GRIN2D: variants seen among roughly 807,000 people sequenced by gnomAD.
GRIN2D encodes glutamate ionotropic receptor NMDA type subunit 2D.
Under a neutral mutation model 103.2 loss-of-function variants are expected in GRIN2D, and 37 were observed. That is an observed-to-expected ratio of 0.36 (90% CI 0.28 to 0.47). GRIN2D has a LOEUF of 0.47. Among genes scored for constraint, GRIN2D ranks in the 20% least tolerant of loss-of-function variants. GRIN2D has a pLI of 1.00. For synonymous variants in GRIN2D, 845 were observed against 885.6 expected, an observed-to-expected ratio of 0.95 and a Z score of 0.81; for missense variants, 1,557 against 1,910.6, an observed-to-expected ratio of 0.81 and a Z score of 3.45.
At chr19:48,401,093 A>C (rs904781492) in intron 3 of GRIN2D, among the ~76,000 whole-genome samples, 3 of 151,864 alleles carry the variant, frequency 2.0e-5, no homozygotes, top group Non-Finnish European at 2.9e-5. Flanking sequence ...AAAAAAAAAA[A>C]AAAACAATAA....
At chr19:48,410,551 A>AAG (rs1970845841) in intron 4 of GRIN2D, among the ~76,000 whole-genome samples, 1 of 149,714 alleles carries the variant, frequency 6.7e-6, no homozygotes, top group Non-Finnish European at 1.5e-5. Flanking sequence ...AAAAAAAAAA[A>AAG]GCAGTCGGAG....
chr19:48,428,359 G>A (rs932989605), intron 11 of GRIN2D, among the ~76,000 whole-genome samples: 5 of 112,510 alleles, frequency 4.4e-5, no homozygotes, highest in African/African-American at 1.4e-4. Flanking sequence ...CCCCCTCCCC[G>A]CTTTTTTTTT....
At chr19:48,407,819 T>C (rs1200140779) in intron 4 of GRIN2D, among the ~76,000 whole-genome samples, 1 of 152,072 alleles carries the variant, frequency 6.6e-6, no homozygotes, top group Admixed American at 6.6e-5. Flanking sequence ...GGGAATGTGA[T>C]AAGAAATGCA....
Position 48,398,500 on chromosome 19 carries a change from C to G in GRIN2D, c.108C>G (p.Gly36=). ...TCCCGGAGGAGGCGCCGGGGCCGGG[C>G]GGGGCCGGTGGGCCCGGCGGCGGCC... The part of the protein sequence containing the change: ...SPFPEEAPGP[G]GAGGPGGGLG... Residue 36 remains glycine (G), a synonymous_variant, in exon 3 of 14, where the codon GGC becomes GGG. Coordinates refer to ENST00000263269, the MANE Select transcript of GRIN2D (RefSeq NM_000836.4). The G allele has an allele frequency of 9.9e-7, 1 of 1,013,254 alleles. No individual in the cohort carries two copies. The highest frequency in any genetic ancestry group is 1.7e-5 in the African/African-American group (1 of 57,490). The allele number at this position is 1,013,254 out of a possible 1,614,324, so 62.8% of individuals were successfully genotyped here.
chr19:48,422,726 A>G (rs773537736), intron 11 of GRIN2D, among the ~76,000 whole-genome samples: 9 of 152,154 alleles, frequency 5.9e-5, no homozygotes, highest in Non-Finnish European at 1.2e-4. Context: ...ATTAGACCTG[A>G]ACTCACTGGA....
At chr19:48,441,354 C>T (rs1312480490) in intron 11 of GRIN2D, among the ~76,000 whole-genome samples, 1 of 135,354 alleles carries the variant, frequency 7.4e-6, no homozygotes, top group African/African-American at 2.9e-5. Flanking sequence ...CAGAGTGAGA[C>T]TCTGTCTCAA....
intron 4 of GRIN2D, among the ~76,000 whole-genome samples, chr19:48,412,483 G>GAAAGAA (rs1970883915): frequency 7.8e-6 from 1 of 128,896 alleles, no homozygotes; most frequent in African/African-American, 2.8e-5. Context: ...GAAAGAAAGA[G>GAAAGAA]AGAGAAAGAA....
chr19:48,410,510 A>G (rs985485073), intron 4 of GRIN2D, among the ~76,000 whole-genome samples: 23 of 129,598 alleles, frequency 1.8e-4, no homozygotes, highest in African/African-American at 7.3e-4. Flanking sequence ...CCTGGGCAAC[A>G]GAGTGAGACT....
chr19:48,444,158 G>A lies in GRIN2D; in HGVS notation c.*221G>A, dbSNP rs1971351737. ...CCAGCCTGAGAACGAGGGGGCGGGG[G>A]CCTTGGAGCCCACCGGACTTTTTTT... On this transcript the variant is annotated 3_prime_UTR_variant, in exon 14 of 14. Coordinates refer to ENST00000263269, the MANE Select transcript of GRIN2D (RefSeq NM_000836.4). This position sits in a 1 kb window ranked among gnomAD's most constrained non-coding sequence, Gnocchi z 5.5. 2 of 402,618 alleles carry A rather than the reference G, an allele frequency of 5.0e-6. No homozygotes were observed. The highest frequency in any genetic ancestry group is 4.5e-5 in the Admixed American group (1 of 22,348). The allele number at this position is 402,618 out of a possible 1,614,324, so 24.9% of individuals were successfully genotyped here. A position where few individuals can be genotyped will look rare whatever the true frequency, so the allele number is the denominator to read the frequency against.
chr19:48,420,432 A>T (rs1971008196), intron 10 of GRIN2D, among the ~76,000 whole-genome samples: 1 of 152,120 alleles, frequency 6.6e-6, no homozygotes, highest in Non-Finnish European at 1.5e-5. Context: ...TGTCTCAAAA[A>T]AACAAAAAAC....
In GRIN2D at chr19:48,413,991, G is replaced by C; in HGVS notation, c.1086G>C (p.Arg362Ser). 1 of 1,572,182 alleles carries C rather than the reference G, an allele frequency of 6.4e-7. No homozygotes were observed. Among genetic ancestry groups the C allele is most frequent in the Non-Finnish European group, 8.8e-7 (1 of 1,141,874 alleles). Reference protein sequence around the residue: ...NRTHRGESLHRYFMNITWDNR... With the variant: ...NRTHRGESLHSYFMNITWDNR... Reference sequence around the variant, plus strand: ...GTCCCCTTTCCCTCCTCCTGGGCAGGTACTTCATGAACATCACGTGGGATA... The same window carrying C: ...GTCCCCTTTCCCTCCTCCTGGGCAGCTACTTCATGAACATCACGTGGGATA... The change falls in exon 5 of 14, where the codon AGG becomes AGC. Residue 362 changes from arginine (R) to serine (S), a missense_variant and splice_region_variant. This residue lies in a region of GRIN2D where 490 missense variants were observed against 601.1 expected (regional missense o/e 0.82). Coordinates refer to ENST00000263269, the MANE Select transcript of GRIN2D (RefSeq NM_000836.4).
intron 11 of GRIN2D, among the ~76,000 whole-genome samples, chr19:48,433,655 G>A (rs978551324): frequency 1.3e-5 from 2 of 152,200 alleles, no homozygotes; most frequent in African/African-American, 4.8e-5. Context: ...CCCTTTCCAT[G>A]AGAGATGTGC....
At chr19:48,401,826 C>T (rs941321091) in intron 3 of GRIN2D, among the ~76,000 whole-genome samples, 38 of 152,288 alleles carry the variant, frequency 2.5e-4, no homozygotes, top group Non-Finnish European at 3.7e-4. Context: ...ATAGGCTGGG[C>T]GCAGTGGCTC....
chr19:48,443,617 T>C lies in GRIN2D; in HGVS notation c.3691T>C (p.Ser1231Pro). The C allele has an allele frequency of 9.2e-7, 1 of 1,088,888 alleles. No homozygotes were observed. Among genetic ancestry groups the C allele is most frequent in the Non-Finnish European group, 1.1e-6 (1 of 900,462 alleles). The allele number at this position is 1,088,888 out of a possible 1,614,324, so 67.5% of individuals were successfully genotyped here. The part of the protein sequence containing the change: ...RRRARCGCPR[S>P]HPHRPRASHR... ...CCGGGCCCGCTGCGGGTGCCCGCGG[T>C]CGCACCCGCACCGCCCGCGGGCCTC... Residue 1231 changes from serine to proline, a missense_variant, in exon 14 of 14, where the codon TCG becomes CCG. Coordinates refer to ENST00000263269, the MANE Select transcript of GRIN2D (RefSeq NM_000836.4). This position sits in a 1 kb window ranked among gnomAD's most constrained non-coding sequence, Gnocchi z 8.9.
chr19:48,422,609 CAAA>C (rs551643081), intron 11 of GRIN2D, among the ~76,000 whole-genome samples: 3 of 122,378 alleles, frequency 2.5e-5, no homozygotes, highest in Admixed American at 8.8e-5. Context: ...GACTCCGTCT[CAAA>C]AAAAAAAAAA....
In GRIN2D at chr19:48,405,423, T is replaced by A. The variant is rs1970780407; in HGVS notation, c.1085+70T>A. On this transcript the variant is annotated intron_variant, in intron 4 of 13. Transcript: ENST00000263269. The surrounding 1 kb of genome is among the most constrained non-coding windows in gnomAD (Gnocchi z 5.1). ...CCTAACTACCTCAGTATTCACTGAA[T>A]GAGTGGCTCAAATGGGCCACATCTG... is the stretch of plus-strand genomic sequence containing the variant. 1 of 1,403,922 alleles carries A rather than the reference T, an allele frequency of 7.1e-7. No homozygotes were observed. The highest frequency in any genetic ancestry group is 1.4e-5 in the African/African-American group (1 of 69,498). 87.0% of individuals were successfully genotyped at this position (1,403,922 alleles called of 1,614,324 possible). A position where few individuals can be genotyped will look rare whatever the true frequency, so the allele number is the denominator to read the frequency against.
At chr19:48,419,047 TCTTCC>T in intron 8 of GRIN2D, among the ~76,000 whole-genome samples, 182 bp from the exon 9 acceptor site, 1 of 151,040 alleles carries the variant, frequency 6.6e-6, no homozygotes. Flanking sequence ...CTTTCTTTTT[TCTTCC>T]TTTTTTTTTT....
chr19:48,443,357 G>C lies in GRIN2D; in HGVS notation c.3431G>C (p.Arg1144Pro). 1 of 1,504,006 alleles carries C rather than the reference G, an allele frequency of 6.6e-7. No homozygotes were observed. The highest frequency in any genetic ancestry group is 1.2e-5 in the South Asian group (1 of 81,040). 93.2% of individuals were successfully genotyped at this position (1,504,006 alleles called of 1,614,324 possible). A position where few individuals can be genotyped will look rare whatever the true frequency, so the allele number is the denominator to read the frequency against. ...GACTTCCCTTACCCGTATGCCGAGCGCCTCGGGCCGCCGCCCGGCCGCTAC... is the reference window on the plus strand; with the variant it reads ...GACTTCCCTTACCCGTATGCCGAGCCCCTCGGGCCGCCGCCCGGCCGCTAC... ...FADFPYPYAE[R>P]LGPPPGRYWS... Residue 1144 changes from arginine (R) to proline (P), a missense_variant, in exon 14 of 14, where the codon CGC (arginine) becomes CCC (proline). Around this residue, in one of 7 missense-constraint regions of GRIN2D, gnomAD observed 632 missense variants for 572.8 expected, o/e 1.10. Coordinates refer to ENST00000263269, the MANE Select transcript of GRIN2D (RefSeq NM_000836.4). This position sits in a 1 kb window ranked among gnomAD's most constrained non-coding sequence, Gnocchi z 8.9.
At chr19:48,403,539 G>A (rs1970744054) in intron 3 of GRIN2D, among the ~76,000 whole-genome samples, 1 of 152,170 alleles carries the variant, frequency 6.6e-6, no homozygotes, top group Admixed American at 6.6e-5. Flanking sequence ...TAGCATGGGA[G>A]ACAGTATTTA....
Sources: allele counts gnomAD v4.1 joint callset (sites outside exome capture counted in the v4.1 genomes callset), GRCh38; gene constraint gnomAD v4.1.1; regional missense constraint gnomAD v4.1.1; non-coding constraint Gnocchi (gnomAD v3.1); transcripts MANE v1.5; gene names NCBI Gene and HGNC (gene_info 2026-07-23, HGNC 2026-07-21).